The following ZNF385D variants were observed in gnomAD, a reference collection of about 807,000 sequenced individuals.
The protein encoded by ZNF385D is zinc finger protein 385D, also known as zinc finger protein 659.
In ZNF385D, 15 loss-of-function variants were observed where a neutral mutation model predicts 35.8. That is an observed-to-expected ratio of 0.42 (90% CI 0.28 to 0.64). The LOEUF (loss-of-function observed/expected upper bound fraction) is 0.64, where lower values mean the gene tolerates loss of function less well. Ranked by LOEUF, ZNF385D falls within the 30% of genes least tolerant of loss-of-function variation. ZNF385D has a pLI of 0.23. For missense variants in ZNF385D, 474 were observed against 494.6 expected (o/e 0.96, Z 0.39); for synonymous variants, 212 against 186.8 (o/e 1.13, Z -1.10).
At chr3:21,433,264 AT>A (rs1301111091) in intron 5 of ZNF385D, among the ~76,000 whole-genome samples, 2 of 152,194 alleles carry the variant, frequency 1.3e-5, no homozygotes, top group African/African-American at 4.8e-5. Context: ...ATTTTCTAAG[AT>A]TGAAAAACAT....
intron 3 of ZNF385D, among the ~76,000 whole-genome samples, chr3:22,050,198 TA>T (rs1169509467): frequency 5.6e-3 from 779 of 138,792 alleles, no homozygotes; most frequent in Middle Eastern, 7.2e-3. Context: ...AGATTGGGTT[TA>T]AAAAAAAAAA....
At chr3:21,979,540 AG>A (rs1327703866) in intron 3 of ZNF385D, 1 of 152,202 alleles carries the variant, frequency 6.6e-6, no homozygotes, top group East Asian at 1.9e-4. Context: ...GTGGATTTAC[AG>A]TTTCATATAA....
chr3:21,515,002 G>A (rs746383007), intron 3 of ZNF385D, among the ~76,000 whole-genome samples: 9 of 152,060 alleles, frequency 5.9e-5, no homozygotes, highest in African/African-American at 1.2e-4. Flanking sequence ...AGAACAGAAC[G>A]CCATTTTAGA....
chr3:22,128,038 C>T (rs1002154286), intron 3 of ZNF385D, among the ~76,000 whole-genome samples: 1 of 152,184 alleles, frequency 6.6e-6, no homozygotes, highest in Non-Finnish European at 1.5e-5. Flanking sequence ...GATTGAAAAA[C>T]TCTCTTTAGC....
intron 1 of ZNF385D, among the ~76,000 whole-genome samples, chr3:21,701,809 C>G (rs2067694022): frequency 1.3e-5 from 2 of 152,252 alleles, no homozygotes; most frequent in South Asian, 4.1e-4. Flanking sequence ...TCCAGCAGGG[C>G]AGTCAAATTT....
At chr3:21,810,971 C>CATGTGT (rs1491241212) in intron 3 of ZNF385D, among the ~76,000 whole-genome samples, 1 of 144,380 alleles carries the variant, frequency 6.9e-6, no homozygotes, top group East Asian at 2.0e-4. Context: ...TGTGTGTATA[C>CATGTGT]GTGTGTGTGT....
chr3:21,961,602 A>G (rs1263087347), intron 3 of ZNF385D: 3 of 152,164 alleles, frequency 2.0e-5, no homozygotes, highest in Non-Finnish European at 2.9e-5. Context: ...TTTATAGAAC[A>G]TTAAAATGTC....
At position 22,030,256 on chromosome 3, in the gene ZNF385D, CATATATATATAT is replaced by C. The variant is rs71044967; in HGVS notation, c.325+138549_325+138560del. Among the ~76,000 whole-genome samples, 128 of 21,734 alleles carry C rather than the reference CATATATATATAT, an allele frequency of 5.9e-3. 3 individuals are homozygous for C. Among genetic ancestry groups the C allele is most frequent in the African/African-American group, 0.013 (80 of 6,392 alleles). 14.3% of individuals were successfully genotyped at this position (21,734 alleles called of 152,430 possible). A position where few individuals can be genotyped will look rare whatever the true frequency, so the allele number is the denominator to read the frequency against. On this transcript the variant is annotated intron_variant, in intron 3 of 5. Transcript: ENST00000494108. Reference sequence around the variant, plus strand: ...CAAGTTAATACTTAATAAACTCATTCATATATATATATATATATATATATATATATATATATA... The same window carrying C: ...CAAGTTAATACTTAATAAACTCATTCATATATATATATATATATATATATA...
At chr3:21,907,988 G>C (rs776873495) in intron 3 of ZNF385D, among the ~76,000 whole-genome samples, 1 of 152,020 alleles carries the variant, frequency 6.6e-6, no homozygotes, top group Non-Finnish European at 1.5e-5. Context: ...GTTTGTGAAA[G>C]GCTGAAACAT....
chr3:22,065,817 T>C (rs978151342), intron 3 of ZNF385D, among the ~76,000 whole-genome samples: 2 of 152,320 alleles, frequency 1.3e-5, no homozygotes, highest in Admixed American at 1.3e-4. Flanking sequence ...AAAATATGTT[T>C]TGTCTTTTTC....
chr3:22,042,186 C>T (rs747781191), intron 3 of ZNF385D, among the ~76,000 whole-genome samples: 7 of 152,036 alleles, frequency 4.6e-5, no homozygotes, highest in East Asian at 1.9e-4. Context: ...TCTTTTGTCA[C>T]GGCTCACTAG....
At chr3:22,263,619 T>A (rs1012911568) in intron 2 of ZNF385D, among the ~76,000 whole-genome samples, 6 of 152,022 alleles carry the variant, frequency 3.9e-5, no homozygotes, top group Non-Finnish European at 7.4e-5. Context: ...ATTCTCAATG[T>A]CTCAAGCAGT....
At chr3:22,365,199 G>A (rs1360841516) in intron 2 of ZNF385D, among the ~76,000 whole-genome samples, 2 of 151,914 alleles carry the variant, frequency 1.3e-5, no homozygotes, top group Non-Finnish European at 2.9e-5. Flanking sequence ...CAATATGAAT[G>A]TACACTGAGC....
intron 1 of ZNF385D, among the ~76,000 whole-genome samples, chr3:21,679,605 T>C (rs1035577552): frequency 2.0e-5 from 3 of 152,082 alleles, no homozygotes; most frequent in Admixed American, 6.6e-5. Context: ...ATGTCATTAA[T>C]ACTATTAGGT....
In ZNF385D at chr3:21,750,931, G is replaced by C. The variant is rs921589543; in HGVS notation, c.-15C>G. ...ATGTTTCTCATTAATCAGACAGCTG[G>C]AATCCCACCGCGGTGTCTTCAGCAT... On this transcript the variant is annotated 5_prime_UTR_variant, in exon 1 of 8. Transcript: ENST00000281523. The C allele has an allele frequency of 6.2e-7, 1 of 1,614,086 alleles. No homozygotes were observed. Among genetic ancestry groups the C allele is most frequent in the South Asian group, 1.1e-5 (1 of 91,080 alleles).
intron 2 of ZNF385D, among the ~76,000 whole-genome samples, chr3:22,322,586 T>C (rs893484316): frequency 9.9e-5 from 15 of 152,226 alleles, no homozygotes; most frequent in African/African-American, 3.4e-4. Context: ...CAATCAGTGA[T>C]ATTTTCAGTT....
At chr3:22,292,028 A>G (rs1702326158) in intron 2 of ZNF385D, among the ~76,000 whole-genome samples, 1 of 152,024 alleles carries the variant, frequency 6.6e-6, no homozygotes, top group Non-Finnish European at 1.5e-5. Context: ...TCCTGAACAT[A>G]TTGGATATTG....
At chr3:21,808,021 A>G (rs2072732309) in intron 3 of ZNF385D, among the ~76,000 whole-genome samples, 1 of 152,200 alleles carries the variant, frequency 6.6e-6, no homozygotes, top group South Asian at 2.1e-4. Context: ...TGAAAATAGA[A>G]TTGCTAAGTA....
intron 3 of ZNF385D, chr3:21,979,841 T>C (rs888399919): frequency 4.6e-5 from 7 of 152,184 alleles, no homozygotes; most frequent in African/African-American, 1.4e-4. Context: ...GTATGAGCAT[T>C]AGTCACGTAT....
Sources: gnomAD v4.1 joint callset for allele counts (sites outside exome capture counted in the v4.1 genomes callset) on GRCh38, gnomAD v4.1.1 for gene constraint, MANE v1.5 for transcripts, NCBI Gene and HGNC (gene_info 2026-07-23, HGNC 2026-07-21) for gene names.